Variants in RANBP2 observed in about 807,000 individuals in gnomAD.
RANBP2 encodes the protein E3 SUMO-protein ligase RanBP2.
RANBP2 carries 57 observed loss-of-function variants against 303.6 expected under a neutral mutation model. The observed-to-expected ratio is 0.19, with a 90% CI of 0.15 to 0.23. The LOEUF (loss-of-function observed/expected upper bound fraction) is 0.23. Ranked by LOEUF, RANBP2 falls within the 10% of genes least tolerant of loss-of-function variation. The pLI, the probability that RANBP2 is intolerant of heterozygous loss-of-function variation, is 1.00. For synonymous variants in RANBP2, 1,167 were observed against 1,301.5 expected (o/e 0.90, Z 2.23); for missense variants, 3,138 against 3,780.8 (o/e 0.83, Z 4.46).
chr2:109,109,769 A>AT, the RANBP2 span, among the ~76,000 whole-genome samples: 1 of 152,220 alleles, frequency 6.6e-6, no homozygotes, highest in Non-Finnish European at 1.5e-5. Flanking sequence ...AATTAGGTGA[A>AT]TTTAAAAGGA....
At chr2:108,777,486 C>G (rs1303392534) in intron 25 of RANBP2, among the ~76,000 whole-genome samples, 1 of 152,074 alleles carries the variant, frequency 6.6e-6, no homozygotes, top group South Asian at 2.1e-4. Flanking sequence ...CATTTTTGAG[C>G]TTTGGAATGA....
intron 25 of RANBP2, among the ~76,000 whole-genome samples, chr2:108,781,023 T>A (rs748643073): frequency 6.6e-6 from 1 of 151,886 alleles, no homozygotes; most frequent in South Asian, 2.1e-4. Flanking sequence ...TTTTGTATTA[T>A]TAGTAGAGAT....
the RANBP2 span, among the ~76,000 whole-genome samples, chr2:108,976,313 G>A: frequency 3.3e-5 from 5 of 152,188 alleles, no homozygotes; most frequent in African/African-American, 9.7e-5. Context: ...TGTTTTTCTC[G>A]TGACAGACTG....
At chr2:108,912,523 C>CG in the RANBP2 span, among the ~76,000 whole-genome samples, 16 of 152,278 alleles carry the variant, frequency 1.1e-4, no homozygotes, top group South Asian at 4.1e-4. Context: ...ACTTCCTGCA[C>CG]GGGGGGCAAC....
the RANBP2 span, chr2:109,616,512 G>A: frequency 6.0e-6 from 1 of 167,286 alleles, no homozygotes; most frequent in African/African-American, 2.4e-5. Flanking sequence ...GTATTTCTAA[G>A]TGTGAAAACG....
At chr2:109,240,057 T>G in the RANBP2 span, among the ~76,000 whole-genome samples, 1,991 of 152,316 alleles carry the variant, frequency 0.013, 24 homozygotes, top group Middle Eastern at 0.031. Flanking sequence ...GCCCAGACCC[T>G]TCTCTGTTTT....
the RANBP2 span, among the ~76,000 whole-genome samples, chr2:108,975,605 G>T: frequency 1.3e-5 from 2 of 152,204 alleles, no homozygotes; most frequent in Admixed American, 1.3e-4. Flanking sequence ...CAGCAGCTTT[G>T]GGGAGGCAGC....
chr2:108,832,528 G>A, the RANBP2 span, among the ~76,000 whole-genome samples: 1 of 151,894 alleles, frequency 6.6e-6, no homozygotes, highest in Admixed American at 6.6e-5. Flanking sequence ...TGTATTTTTA[G>A]TAGAGACGGG....
At chr2:109,468,379 A>T in the RANBP2 span, among the ~76,000 whole-genome samples, 3 of 152,224 alleles carry the variant, frequency 2.0e-5, no homozygotes, top group Non-Finnish European at 4.4e-5. Context: ...TCAGTAGGCA[A>T]CATGAATTTT....
intron 22 of RANBP2, 100 bp downstream of exon 22, chr2:108,772,681 T>C (rs1004312421): frequency 9.3e-6 from 12 of 1,294,248 alleles, no homozygotes; most frequent in Admixed American, 2.3e-5. Flanking sequence ...GATTTTACGA[T>C]GCCCATGGTG....
chr2:109,393,594 T>C, the RANBP2 span, among the ~76,000 whole-genome samples: 182 of 152,196 alleles, frequency 1.2e-3, 1 homozygote, highest in Middle Eastern at 6.8e-3. Context: ...TGCCTTCTTG[T>C]TAAACTGTGA....
the RANBP2 span, chr2:109,546,291 G>A: frequency 1.8e-5 from 22 of 1,217,686 alleles, no homozygotes; most frequent in African/African-American, 2.8e-4. Context: ...GCAGAGGCAC[G>A]CTCTCCAGCT....
At chr2:108,759,727 A>C (rs1038343849) in intron 18 of RANBP2, among the ~76,000 whole-genome samples, 10 of 152,144 alleles carry the variant, frequency 6.6e-5, no homozygotes, top group Non-Finnish European at 1.0e-4. Context: ...AAAACCTTAC[A>C]CATCATATAG....
At chr2:109,522,603 C>CTTTTTTTTT in the RANBP2 span, among the ~76,000 whole-genome samples, 23 of 149,742 alleles carry the variant, frequency 1.5e-4, no homozygotes, top group African/African-American at 5.7e-4. Flanking sequence ...CGTGCCCAGC[C>CTTTTTTTTT]TTTTTTTTTC....
chr2:109,501,426 C>A, the RANBP2 span: 1 of 646,412 alleles, frequency 1.5e-6, no homozygotes, highest in Non-Finnish European at 2.9e-6. Context: ...TAATTTACAC[C>A]GAGGGAAGAA....
the RANBP2 span, among the ~76,000 whole-genome samples, chr2:109,102,769 GC>G: frequency 1.3e-5 from 2 of 152,154 alleles, no homozygotes; most frequent in Non-Finnish European, 2.9e-5. Context: ...TCTACTCTCT[GC>G]TGTTTAAGAA....
chr2:108,728,449 A>G (rs1301935042), intron 1 of RANBP2, among the ~76,000 whole-genome samples: 1 of 152,016 alleles, frequency 6.6e-6, no homozygotes, highest in Non-Finnish European at 1.5e-5. Context: ...ATGCTCCACT[A>G]TGCCTGGCTA....
chr2:109,161,495 A>G, the RANBP2 span, among the ~76,000 whole-genome samples: 1 of 151,338 alleles, frequency 6.6e-6, no homozygotes, highest in Non-Finnish European at 1.5e-5. Flanking sequence ...CGTGCATTAC[A>G]TATCGTAAGG....
At chr2:108,972,663 A>G in the RANBP2 span, among the ~76,000 whole-genome samples, 1 of 152,238 alleles carries the variant, frequency 6.6e-6, no homozygotes, top group Non-Finnish European at 1.5e-5. Context: ...CCTTGTAGCT[A>G]TGGCTGTGAT....
Sources: allele counts gnomAD v4.1 joint callset (sites outside exome capture counted in the v4.1 genomes callset), GRCh38; gene constraint gnomAD v4.1.1; transcripts MANE v1.5; gene names NCBI Gene and HGNC (gene_info 2026-07-23, HGNC 2026-07-21).